PRDM11: variants seen among roughly 807,000 people sequenced by gnomAD.
PRDM11 encodes the protein PR/SET domain 11.
Under a neutral mutation model 97.8 loss-of-function variants are expected in PRDM11, and 20 were observed. The ratio of observed to expected loss-of-function variants is 0.20; its 90% CI spans 0.14 to 0.30. The LOEUF is 0.30. Ranked by LOEUF, PRDM11 falls within the 10% of genes least tolerant of loss-of-function variation. The pLI, the probability that PRDM11 is intolerant of heterozygous loss-of-function variation, is 1.00. For missense variants in PRDM11, 1,139 were observed against 1,555.2 expected, an observed-to-expected ratio of 0.73 and a Z score of 4.50; for synonymous variants, 599 against 637.7, an observed-to-expected ratio of 0.94 and a Z score of 0.91.
intron 4 of PRDM11, among the ~76,000 whole-genome samples, chr11:45,192,183 C>T (rs1354958483): frequency 6.6e-6 from 1 of 152,118 alleles, no homozygotes; most frequent in African/African-American, 2.4e-5. Flanking sequence ...CTGGGGCACA[C>T]ACGTAACAGT....
chr11:45,197,588 G>A (rs753588311), intron 4 of PRDM11, among the ~76,000 whole-genome samples: 2 of 152,072 alleles, frequency 1.3e-5, no homozygotes, highest in Non-Finnish European at 2.9e-5. Flanking sequence ...GGTTTGACAG[G>A]TGTACACTTA....
chr11:45,152,517 G>T (rs1028800880), intron 1 of PRDM11, among the ~76,000 whole-genome samples: 10 of 152,232 alleles, frequency 6.6e-5, no homozygotes, highest in Middle Eastern at 3.4e-3. Context: ...TTTAATGCAA[G>T]TTCCCAGAGA....
rs1313701875 is a variant in PRDM11, at chr11:45,233,931, C to T, written c.*5772C>T. On this transcript the variant is annotated 3_prime_UTR_variant, in exon 8 of 8. Coordinates refer to ENST00000683152, the MANE Select transcript of PRDM11 (RefSeq NM_001384648.1). ...CTGTTCCCCCTCCCTCACAGAGGCC[C>T]CGTGGCCCCTACCCCACTCCCGCCG... The T allele has an allele frequency of 6.6e-6, 1 of 152,326 alleles. No homozygotes were observed. Among genetic ancestry groups the T allele is most frequent in the Non-Finnish European group, 1.5e-5 (1 of 68,114 alleles). The allele number at this position is 152,326 out of a possible 1,614,324, so 9.4% of individuals were successfully genotyped here. A position where few individuals can be genotyped will look rare whatever the true frequency, so the allele number is the denominator to read the frequency against.
intron 1 of PRDM11, among the ~76,000 whole-genome samples, chr11:45,107,440 C>T (rs1852081392): frequency 6.6e-6 from 1 of 152,202 alleles, no homozygotes; most frequent in East Asian, 1.9e-4. Context: ...CTTATGCTCC[C>T]CACCAGCATG....
In PRDM11 at chr11:45,180,757, C is replaced by T. The variant is rs1023264048; in HGVS notation, c.-6-1004C>T. Reference sequence around the variant, plus strand: ...GAAGGCTGGCGAGAGGGGGAGAGCCCGCCCGCGCCCGCCCCGGCCGCAGCC... The same window carrying T: ...GAAGGCTGGCGAGAGGGGGAGAGCCTGCCCGCGCCCGCCCCGGCCGCAGCC... On this transcript the variant is annotated intron_variant, in intron 1 of 7. Coordinates refer to ENST00000683152, the MANE Select transcript of PRDM11 (RefSeq NM_001384648.1). Among the ~76,000 whole-genome samples, 121 of 149,970 alleles carry T rather than the reference C, an allele frequency of 8.1e-4. 1 individual carries two copies. Among genetic ancestry groups the T allele is most frequent in the Admixed American group, 2.5e-3 (38 of 15,096 alleles).
At chr11:45,141,124 T>C (rs1295790332) in intron 1 of PRDM11, among the ~76,000 whole-genome samples, 1 of 152,224 alleles carries the variant, frequency 6.6e-6, no homozygotes, top group East Asian at 1.9e-4. Flanking sequence ...GGGTTTCCTT[T>C]GCCTATTCTC....
At chr11:45,113,843 T>TG (rs1852245138) in intron 1 of PRDM11, among the ~76,000 whole-genome samples, 1 of 150,014 alleles carries the variant, frequency 6.7e-6, no homozygotes, top group South Asian at 2.1e-4. Context: ...TTTTTTTTTT[T>TG]TACAAAAAAT....
intron 1 of PRDM11, among the ~76,000 whole-genome samples, chr11:45,114,035 A>G (rs1316376896): frequency 6.6e-6 from 1 of 152,050 alleles, no homozygotes; most frequent in Admixed American, 6.5e-5. Context: ...TGCTCTGGCC[A>G]GGACTTCCAG....
Position 45,138,823 on chromosome 11 carries a change from CAAA to C in PRDM11, c.96+42924_96+42926del, listed in dbSNP as rs2135663199. ...AAGAAGGCCTTTCTAACTATGTTCA[CAAA>C]ACTATAAAGGAAAAACAGAAAACAT... On this transcript the variant is annotated intron_variant, in intron 1 of 6. Coordinates refer to the PRDM11 transcript ENST00000530656. Among the ~76,000 whole-genome samples the C allele has an allele frequency of 2.0e-5, 3 of 152,046 alleles. No individual in the cohort carries two copies. In the South Asian group the frequency reaches 6.2e-4, roughly 32 times the overall value.
At position 45,226,423 on chromosome 11, in the gene PRDM11, G is replaced by A; in HGVS notation, c.1798G>A (p.Ala600Thr). The change falls in exon 8 of 8, where the codon GCC becomes ACC. Residue 600 changes from alanine to threonine, a missense_variant. Transcript: ENST00000683152. ...TLLFNTAYHL[A>T]LEGRPYLDFR... ...GCTCTTCAACACCGCCTACCACCTG[G>A]CCTTGGAGGGCAGGCCCTACCTGGA... 1 of 1,534,004 alleles carries A rather than the reference G, an allele frequency of 6.5e-7. No individual in the cohort carries two copies. Among genetic ancestry groups the A allele is most frequent in the Non-Finnish European group, 8.7e-7 (1 of 1,146,750 alleles).
At chr11:45,178,270 T>C (rs1852377834) in intron 1 of PRDM11, among the ~76,000 whole-genome samples, 1 of 151,972 alleles carries the variant, frequency 6.6e-6, no homozygotes, top group African/African-American at 2.4e-5. Flanking sequence ...GGGGACCACC[T>C]CCTCCTGGCA....
At chr11:45,220,690 C>G (rs1228997829) in intron 6 of PRDM11, among the ~76,000 whole-genome samples, 1 of 152,162 alleles carries the variant, frequency 6.6e-6, no homozygotes, top group Non-Finnish European at 1.5e-5. Context: ...TACTGCAGTC[C>G]TAATGAGATG....
intron 1 of PRDM11, chr11:45,096,029 C>T: frequency 1.5e-6 from 1 of 683,086 alleles, no homozygotes; most frequent in Non-Finnish European, 2.7e-6. Context: ...CTCATTAAAG[C>T]CCGCATTGTC....
At chr11:45,174,874 A>G (rs1852290378) in intron 1 of PRDM11, among the ~76,000 whole-genome samples, 2 of 152,242 alleles carry the variant, frequency 1.3e-5, no homozygotes, top group Non-Finnish European at 2.9e-5. Context: ...ATCATTATGT[A>G]TAGACTTTAA....
rs774092362 is a variant in PRDM11, at chr11:45,234,938, C to A, written c.*6779C>A. 1 of 152,116 alleles carries A rather than the reference C, an allele frequency of 6.6e-6. No individual in the cohort carries two copies. The highest frequency in any genetic ancestry group is 1.5e-5 in the Non-Finnish European group (1 of 68,026). 9.4% of individuals were successfully genotyped at this position (152,116 alleles called of 1,614,324 possible). A position where few individuals can be genotyped will look rare whatever the true frequency, so the allele number is the denominator to read the frequency against. ...TTAATACTTTCTTTAAAAAAAACCT[C>A]TTGATGTTATTATTTTGCAGACTAC... On this transcript the variant is annotated 3_prime_UTR_variant, in exon 8 of 8. Transcript: ENST00000683152.
chr11:45,141,376 T>C (rs573877735), intron 1 of PRDM11, among the ~76,000 whole-genome samples: 1 of 152,330 alleles, frequency 6.6e-6, no homozygotes, highest in East Asian at 1.9e-4. Context: ...TGATGTCATG[T>C]CACTTCTGAA....
At chr11:45,214,174 G>A (rs552095536) in intron 5 of PRDM11, 1 of 189,424 alleles carries the variant, frequency 5.3e-6, no homozygotes, top group African/African-American at 2.3e-5. Context: ...TGCTTGCTCG[G>A]GCTGCCTACG....
chr11:45,232,014 C>T lies in PRDM11; in HGVS notation c.*3855C>T, dbSNP rs1024099572. ...ATCTATGGCACTTGGGGGTCTCTGA[C>T]CTCAGCCTCTGCCACATGTTTCCAA... On this transcript the variant is annotated 3_prime_UTR_variant, in exon 8 of 8. Coordinates refer to ENST00000683152, the MANE Select transcript of PRDM11 (RefSeq NM_001384648.1). The T allele has an allele frequency of 6.6e-6, 1 of 152,078 alleles. No homozygotes were observed. The highest frequency in any genetic ancestry group is 1.5e-5 in the Non-Finnish European group (1 of 68,034). 9.4% of individuals were successfully genotyped at this position (152,078 alleles called of 1,614,324 possible). A position where few individuals can be genotyped will look rare whatever the true frequency, so the allele number is the denominator to read the frequency against.
In PRDM11 at chr11:45,140,245, G is replaced by A. The variant is rs949611580; in HGVS notation, c.97-41516G>A. Among the ~76,000 whole-genome samples, 16 of 152,328 alleles carry A rather than the reference G, an allele frequency of 1.1e-4. No individual in the cohort carries two copies. The East Asian group carries it at 3.1e-3, about 29-fold the overall frequency. ...AAGGGAAATGTTCTCTGACAAGGGT[G>A]GCTGTATGGATTGACATGTGGAAAC... is the stretch of plus-strand genomic sequence containing the variant. On this transcript the variant is annotated intron_variant, in intron 1 of 6. Transcript: ENST00000530656.
Sources: gnomAD v4.1 joint callset for allele counts (sites outside exome capture counted in the v4.1 genomes callset) on GRCh38, gnomAD v4.1.1 for gene constraint, MANE v1.5 for transcripts, NCBI Gene and HGNC (gene_info 2026-07-23, HGNC 2026-07-21) for gene names.